Variants in IL19 observed in about 807,000 individuals in gnomAD.
The protein encoded by IL19 is interleukin-19.
IL19 carries 15 observed loss-of-function variants against 19.5 expected under a neutral mutation model. That is an observed-to-expected ratio of 0.77 (90% CI 0.52 to 1.19). The LOEUF is 1.19. Among genes scored for constraint, IL19 ranks in the 50% most tolerant of loss-of-function variants. The pLI, the probability that IL19 is intolerant of heterozygous loss-of-function variation, is 0.00. For synonymous variants in IL19, 78 were observed against 78.3 expected (o/e 1.00, Z 0.02); for missense variants, 199 against 213.1 (o/e 0.93, Z 0.41).
intron 1 of IL19, among the ~76,000 whole-genome samples, chr1:206,785,916 T>C (rs1675259873): frequency 6.6e-6 from 1 of 152,126 alleles, no homozygotes; most frequent in South Asian, 2.1e-4. Flanking sequence ...CTGTACAAAA[T>C]TGGAAAGCTA....
At chr1:206,776,760 A>G (rs2102444598) in intron 1 of IL19, among the ~76,000 whole-genome samples, 1 of 152,194 alleles carries the variant, frequency 6.6e-6, no homozygotes, top group Middle Eastern at 3.4e-3. Flanking sequence ...AGGTAAAGAA[A>G]TAGCCAATCA....
chr1:206,789,220 T>C (rs1249891717), intron 1 of IL19, among the ~76,000 whole-genome samples: 2 of 152,232 alleles, frequency 1.3e-5, no homozygotes, highest in Non-Finnish European at 2.9e-5. Context: ...GAGATCTTTG[T>C]TGAACTGAAG....
intron 2 of IL19, among the ~76,000 whole-genome samples, chr1:206,806,028 T>C (rs1007287523): frequency 2.0e-5 from 3 of 152,298 alleles, no homozygotes; most frequent in East Asian, 3.9e-4. Flanking sequence ...AGACTCACAT[T>C]CTCCCAGTTT....
Position 206,804,359 on chromosome 1 carries a change from A to G in IL19, c.-3+5353A>G, listed in dbSNP as rs377180931. ...TCCAACACAGACATTCCCTGATGCCAATGATAACCTTTTCAAATTGTTGTT... is the reference window on the plus strand; with the variant it reads ...TCCAACACAGACATTCCCTGATGCCGATGATAACCTTTTCAAATTGTTGTT... On this transcript the variant is annotated intron_variant, in intron 2 of 6. Transcript: ENST00000659997. Among the ~76,000 whole-genome samples the G allele has an allele frequency of 3.0e-3, 451 of 152,326 alleles. 4 individuals are homozygous for G. Among genetic ancestry groups the G allele is most frequent in the African/African-American group, 0.01 (429 of 41,570 alleles).
intron 1 of IL19, among the ~76,000 whole-genome samples, chr1:206,780,870 A>G (rs1424678683): frequency 6.6e-6 from 1 of 152,228 alleles, no homozygotes; most frequent in Non-Finnish European, 1.5e-5. Flanking sequence ...TGTGGTGGTA[A>G]GAAGTTGAAA....
At chr1:206,834,752 G>A (rs2243161) in intron 2 of IL19, among the ~76,000 whole-genome samples, 6,441 of 152,210 alleles carry the variant, frequency 0.042, 502 homozygotes, top group African/African-American at 0.15. Flanking sequence ...AATGTAAGGA[G>A]CATCACTGGT....
At chr1:206,842,485 C>A in intron 6 of IL19, 42 bp from the exon 7 acceptor site, 1 of 1,193,510 alleles carries the variant, frequency 8.4e-7, no homozygotes, top group Middle Eastern at 1.9e-4. Flanking sequence ...AACCATTACA[C>A]AGTCTAGAAA....
At chr1:206,823,725 G>A (rs1262523651) in intron 2 of IL19, among the ~76,000 whole-genome samples, 2 of 152,130 alleles carry the variant, frequency 1.3e-5, no homozygotes, top group African/African-American at 2.4e-5. Context: ...AAAAGAAAAT[G>A]TTATTAAACA....
At chr1:206,829,422 A>G (rs1296996504) in intron 2 of IL19, among the ~76,000 whole-genome samples, 1 of 152,136 alleles carries the variant, frequency 6.6e-6, no homozygotes, top group African/African-American at 2.4e-5. Context: ...TCACAAAGGA[A>G]GTCACACTGG....
chr1:206,775,046 C>CTT (rs112339008), intron 1 of IL19, among the ~76,000 whole-genome samples: 9 of 145,294 alleles, frequency 6.2e-5, no homozygotes, highest in Non-Finnish European at 9.1e-5. Context: ...GATCTGACTT[C>CTT]TTTTTTTTTT....
At chr1:206,836,551 G>T in intron 2 of IL19, 110 bp from the exon 3 acceptor site, 1 of 1,004,166 alleles carries the variant, frequency 1.0e-6, no homozygotes, top group Non-Finnish European at 1.5e-6. Flanking sequence ...TTGTTTTCTT[G>T]TATTCCTCCC....
chr1:206,813,064 T>G (rs1676056206), intron 2 of IL19, among the ~76,000 whole-genome samples: 1 of 152,246 alleles, frequency 6.6e-6, no homozygotes, highest in African/African-American at 2.4e-5. Context: ...TGTGGTTGTA[T>G]AAAAGTTCAA....
At chr1:206,835,986 C>T (rs1676778895) in intron 2 of IL19, among the ~76,000 whole-genome samples, 1 of 152,264 alleles carries the variant, frequency 6.6e-6, no homozygotes, top group Non-Finnish European at 1.5e-5. Flanking sequence ...AAACATGCCC[C>T]TCATACCCTT....
chr1:206,770,942 T>A lies in IL19; in HGVS notation c.-285T>A, dbSNP rs150423829. ...AGCCTCAGCCTGAGGGTCTTCAGGT[T>A]CTCCCCCAGGGAGTTCACATGCGCC... is the stretch of plus-strand genomic sequence containing the variant. On this transcript the variant is annotated 5_prime_UTR_variant, in exon 1 of 7. Transcript: ENST00000659997. The A allele has an allele frequency of 8.7e-6, 14 of 1,613,982 alleles. No individual in the cohort carries two copies. In the African/African-American group the frequency reaches 1.7e-4, roughly 20 times the overall value.
At chr1:206,792,304 G>A (rs189763215) in intron 1 of IL19, among the ~76,000 whole-genome samples, 12 of 152,162 alleles carry the variant, frequency 7.9e-5, no homozygotes, top group Admixed American at 3.3e-4. Flanking sequence ...AACCTGGCAC[G>A]GCCTCATACC....
At chr1:206,814,806 T>C (rs562842327) in intron 2 of IL19, among the ~76,000 whole-genome samples, 3 of 152,154 alleles carry the variant, frequency 2.0e-5, no homozygotes, top group East Asian at 1.9e-4. Flanking sequence ...GACAGGACTG[T>C]GTCAATGCAG....
chr1:206,795,308 G>C (rs1467240898), intron 1 of IL19, among the ~76,000 whole-genome samples: 1 of 152,178 alleles, frequency 6.6e-6, no homozygotes, highest in Non-Finnish European at 1.5e-5. Context: ...CAGTCTCTTT[G>C]CATCCAGCTG....
At chr1:206,793,189 C>T (rs760741816) in intron 1 of IL19, among the ~76,000 whole-genome samples, 11 of 152,250 alleles carry the variant, frequency 7.2e-5, no homozygotes, top group Non-Finnish European at 1.3e-4. Context: ...TAAATCCCGA[C>T]GGGGACTTCT....
chr1:206,805,113 A>T (rs1675816765), intron 2 of IL19, among the ~76,000 whole-genome samples: 1 of 152,192 alleles, frequency 6.6e-6, no homozygotes, highest in South Asian at 2.1e-4. Context: ...TTAGTCATGT[A>T]TGTGTTTCTG....
Sources: allele counts gnomAD v4.1 joint callset (sites outside exome capture counted in the v4.1 genomes callset), GRCh38; gene constraint gnomAD v4.1.1; transcripts MANE v1.5; gene names NCBI Gene and HGNC (gene_info 2026-07-23, HGNC 2026-07-21).